The following DOP1A variants were observed in gnomAD, a reference collection of about 807,000 sequenced individuals.
DOP1A encodes DOP1 leucine zipper like protein A, also known as protein DOP1A.
A neutral mutation model predicts 267.6 loss-of-function variants in DOP1A; 90 were observed. The observed-to-expected ratio is 0.34, with a 90% CI of 0.28 to 0.40. DOP1A has a LOEUF of 0.40. DOP1A is among the 10% of genes least tolerant of loss of function. DOP1A has a pLI of 1.00. For missense variants in DOP1A, 2,437 were observed against 2,900.4 expected, an observed-to-expected ratio of 0.84 and a Z score of 3.67; for synonymous variants, 932 against 999.1, an observed-to-expected ratio of 0.93 and a Z score of 1.27.
intron 6 of DOP1A, 74 bp from the exon 7 acceptor site, chr6:83,113,249 A>G: frequency 9.2e-7 from 1 of 1,092,730 alleles, no homozygotes; most frequent in Non-Finnish European, 1.4e-6. Context: ...GAGAAAATAA[A>G]GAGTTGTCAC....
In DOP1A at chr6:83,167,933, C is replaced by T. The variant is rs1243100586; in HGVS notation, c.7164C>T (p.Cys2388=). 3 of 1,614,058 alleles carry T rather than the reference C, an allele frequency of 1.9e-6. No homozygotes were observed. Among genetic ancestry groups the T allele is most frequent in the Admixed American group, 1.7e-5 (1 of 60,008 alleles). The change falls in exon 39 of 39, where the codon TGC becomes TGT. Residue 2388 remains cysteine, a synonymous_variant. Transcript: ENST00000349129. The part of the protein sequence containing the change: ...WEPGHLLLTI[C]TVRSMEQLLP... The stretch of plus-strand genomic sequence containing the variant: ...CAGGGCACTTGCTGCTCACCATCTG[C>T]ACCGTGCGCAGTATGGAGCAGCTCC...
chr6:83,139,207 T>C, intron 21 of DOP1A, 45 bp downstream of exon 21: 1 of 1,405,260 alleles, frequency 7.1e-7, no homozygotes, highest in South Asian at 1.3e-5. Context: ...ATTTTTCACA[T>C]ATATGACTGC....
intron 36 of DOP1A, among the ~76,000 whole-genome samples, chr6:83,158,916 A>G (rs2128398160): frequency 6.6e-6 from 1 of 152,306 alleles, no homozygotes; most frequent in South Asian, 2.1e-4. Flanking sequence ...CTGGTCTCTG[A>G]AACATTGCAA....
intron 6 of DOP1A, among the ~76,000 whole-genome samples, chr6:83,112,025 CA>C (rs58309999): frequency 0.019 from 2,942 of 152,180 alleles, 108 homozygotes; most frequent in African/African-American, 0.067. Flanking sequence ...AACTATTTTC[CA>C]AAATGGCTAT....
At chr6:83,108,083 T>A (rs1185623277) in intron 4 of DOP1A, among the ~76,000 whole-genome samples, 1 of 152,216 alleles carries the variant, frequency 6.6e-6, no homozygotes, top group Non-Finnish European at 1.5e-5. Flanking sequence ...GGTAGCTATC[T>A]GGTGGAGATA....
chr6:83,155,695 G>T (rs1264351249), intron 33 of DOP1A, among the ~76,000 whole-genome samples: 1 of 152,120 alleles, frequency 6.6e-6, no homozygotes, highest in Non-Finnish European at 1.5e-5. Context: ...TTATATAAAT[G>T]GTATTAGTGG....
chr6:83,134,245 T>A lies in DOP1A; in HGVS notation c.2828T>A (p.Leu943His). 1.2e-6 allele frequency: 2 copies of A among 1,612,776 alleles called. No homozygotes were observed. Among genetic ancestry groups the A allele is most frequent in the Non-Finnish European group, 1.7e-6 (2 of 1,179,304 alleles). Residue 943 changes from leucine to histidine, a missense_variant, in exon 19 of 39, where the codon CTC becomes CAC. This residue lies in a region of DOP1A where 878 missense variants were observed against 992.9 expected (regional missense o/e 0.88). Transcript: ENST00000349129. ...GTTCTTTGGCATCTAACGAGAGATC[T>A]CCATATAAATAAATCTTCATCTTTT... ...FAVLWHLTRD[L>H]HINKSSSFVR... is the part of the protein sequence containing the mutation.
chr6:83,120,668 T>G lies in DOP1A; in HGVS notation c.991-15T>G, dbSNP rs1776212284. 1 of 1,556,758 alleles carries G rather than the reference T, an allele frequency of 6.4e-7. No homozygotes were observed. Among genetic ancestry groups the G allele is most frequent in the South Asian group, 1.2e-5 (1 of 85,022 alleles). On this transcript the variant is annotated splice_polypyrimidine_tract_variant and intron_variant, in intron 9 of 38. Coordinates refer to ENST00000349129, the MANE Select transcript of DOP1A (RefSeq NM_015018.4). ...ATGTTTACTTAAATGACCAGTGTAC[T>G]TTCCTTTTTTAAAGGCAATGGTGGG...
chr6:83,124,317 G>A (rs1020757737), intron 12 of DOP1A, among the ~76,000 whole-genome samples: 16 of 152,078 alleles, frequency 1.1e-4, no homozygotes, highest in African/African-American at 3.9e-4. Context: ...ATGGGAAAAT[G>A]AGATTGGGGA....
At chr6:83,168,879 T>G (rs1391299519), downstream of DOP1A, 2 of 1,054,298 alleles carry the variant, frequency 1.9e-6, no homozygotes, top group South Asian at 6.9e-5. Context: ...CTTGCTCATG[T>G]GATGGTGATG....
chr6:83,069,153 G>T (rs576730587), intron 1 of DOP1A, among the ~76,000 whole-genome samples: 1 of 152,250 alleles, frequency 6.6e-6, no homozygotes, highest in African/African-American at 2.4e-5. Flanking sequence ...TACTAACCAG[G>T]TGTGATCTCC....
intron 17 of DOP1A, 70 bp from the exon 18 acceptor site, chr6:83,132,106 C>T: frequency 1.3e-6 from 2 of 1,541,900 alleles, no homozygotes; most frequent in Non-Finnish European, 1.8e-6. Context: ...TTCATTTGTA[C>T]CTAATAGGAA....
chr6:83,137,071 GA>G, intron 20 of DOP1A, 101 bp from the exon 21 acceptor site: 1 of 1,087,066 alleles, frequency 9.2e-7, no homozygotes, highest in Non-Finnish European at 1.2e-6. Flanking sequence ...AGTAGATGAT[GA>G]CACTAATGAT....
At chr6:83,116,003 T>C (rs1184748137) in intron 7 of DOP1A, among the ~76,000 whole-genome samples, 3 of 152,204 alleles carry the variant, frequency 2.0e-5, no homozygotes, top group Admixed American at 2.0e-4. Context: ...TCTTTAAAAG[T>C]ACAGAAGGTC....
intron 1 of DOP1A, among the ~76,000 whole-genome samples, chr6:83,070,109 C>G (rs1785348265): frequency 6.6e-6 from 1 of 152,112 alleles, no homozygotes; most frequent in African/African-American, 2.4e-5. Context: ...TCTGTTCATT[C>G]TTTATTACTT....
chr6:83,083,277 A>G (rs1768464876), intron 1 of DOP1A, among the ~76,000 whole-genome samples: 1 of 152,154 alleles, frequency 6.6e-6, no homozygotes, highest in Non-Finnish European at 1.5e-5. Context: ...AGGAAGAATA[A>G]CATATGTATT....
At chr6:83,152,447 A>G (rs1446322129) in intron 30 of DOP1A, 80 bp downstream of exon 30, 6 of 568,362 alleles carry the variant, frequency 1.1e-5, no homozygotes, top group Non-Finnish European at 1.1e-5. Context: ...TTTATAGAGG[A>G]ATTTCTAATT....
rs766619444 is a variant in DOP1A at position 83,135,623 on chromosome 6, C to G, written c.2875C>G (p.Leu959Val). 2 of 1,611,646 alleles carry G rather than the reference C, an allele frequency of 1.2e-6. No individual in the cohort carries two copies. ...AATTATTTGTGTTTATTTTAGGTCA[C>G]TGTTCATCATGTTAGATAGCCTTAA... ...SSFVRSFDRS[L>V]FIMLDSLNSL... is the part of the protein sequence containing the mutation. Residue 959 changes from leucine (L) to valine (V), a missense_variant, in exon 20 of 39, where the codon CTG becomes GTG. Leu to Val is a conservative substitution (Grantham distance 32). This residue lies in a region of DOP1A where 878 missense variants were observed against 992.9 expected (regional missense o/e 0.88). Coordinates refer to ENST00000349129, the MANE Select transcript of DOP1A (RefSeq NM_015018.4).
chr6:83,154,164 T>C lies in DOP1A; in HGVS notation c.6390-16T>C, dbSNP rs779002104. On this transcript the variant is annotated splice_polypyrimidine_tract_variant and intron_variant, in intron 32 of 38. Coordinates refer to ENST00000349129, the MANE Select transcript of DOP1A (RefSeq NM_015018.4). ...GTAACAACATAATTACATGTTGTAA[T>C]CCTTATCTCTTTCAGTTGGAGAGCA... 3.1e-6 allele frequency: 5 copies of C among 1,612,832 alleles called. No homozygotes were observed. Among genetic ancestry groups the C allele is most frequent in the Admixed American group, 3.3e-5 (2 of 59,992 alleles).
Sources: gnomAD v4.1 joint callset for allele counts (sites outside exome capture counted in the v4.1 genomes callset) on GRCh38, gnomAD v4.1.1 for gene constraint, gnomAD v4.1.1 regional missense constraint, MANE v1.5 for transcripts, NCBI Gene and HGNC (gene_info 2026-07-23, HGNC 2026-07-21) for gene names.